SPAG16: variants seen among roughly 807,000 people sequenced by gnomAD.
SPAG16 encodes the protein sperm associated antigen 16, also known as sperm-associated antigen 16 protein.
In SPAG16, 86 loss-of-function variants were observed where a neutral mutation model predicts 80.4. That is an observed-to-expected ratio of 1.07 (90% CI 0.90 to 1.28). The LOEUF is 1.28. SPAG16 is among the 50% of genes most tolerant of loss of function. The pLI is 0.00. For synonymous variants in SPAG16, 294 were observed against 265.9 expected, an observed-to-expected ratio of 1.11 and a Z score of -1.03; for missense variants, 870 against 765.3, an observed-to-expected ratio of 1.14 and a Z score of -1.61.
intron 10 of SPAG16, among the ~76,000 whole-genome samples, chr2:213,640,356 C>T (rs530247132): frequency 7.9e-5 from 12 of 152,126 alleles, no homozygotes; most frequent in African/African-American, 2.9e-4. Context: ...TTTCTGGTTC[C>T]TTCTCATTTG....
At position 213,562,879 on chromosome 2, in the gene SPAG16, G is replaced by A. The variant is rs528512794; in HGVS notation, c.1070+72789G>A. Among the ~76,000 whole-genome samples the A allele has an allele frequency of 6.6e-5, 10 of 152,264 alleles. 1 individual carries two copies. In the South Asian group the frequency reaches 1.5e-3, roughly 22 times the overall value. ...TTTCTCTGTCCTCACGTGGTGGAAG[G>A]GGCTAGCTAGCTCTCTGAAGTCTCT... On this transcript the variant is annotated intron_variant, in intron 10 of 15. Transcript: ENST00000331683.
rs114012695 is a variant in SPAG16, at chr2:213,413,333, T to C, written c.942+38214T>C. Among the ~76,000 whole-genome samples, 323 of 152,260 alleles carry C rather than the reference T, an allele frequency of 2.1e-3. 3 individuals carry two copies. Among genetic ancestry groups the C allele is most frequent in the Non-Finnish European group, 2.1e-3 (143 of 67,966 alleles). On this transcript the variant is annotated intron_variant, in intron 9 of 15. Coordinates refer to ENST00000331683, the MANE Select transcript of SPAG16 (RefSeq NM_024532.5). ...TTTTTGAAGTATCAGGTTGCTGAAA[T>C]ATTAGTCTGAGGATAACAAAATCCA...
intron 14 of SPAG16, among the ~76,000 whole-genome samples, chr2:214,133,111 A>AAT (rs1559830690): frequency 4.5e-4 from 66 of 146,802 alleles, no homozygotes; most frequent in Admixed American, 1.3e-3. Context: ...TAAAATAAAA[A>AAT]AAATAAATAA....
At chr2:213,288,463 C>T (rs2062140753) in intron 1 of SPAG16, among the ~76,000 whole-genome samples, 1 of 146,182 alleles carries the variant, frequency 6.8e-6, no homozygotes, top group Non-Finnish European at 1.5e-5. Flanking sequence ...TGCCACCACA[C>T]CTGGCTAATT....
chr2:214,019,014 G>A (rs1015008378), intron 13 of SPAG16, among the ~76,000 whole-genome samples: 2 of 152,138 alleles, frequency 1.3e-5, no homozygotes, highest in East Asian at 1.9e-4. Flanking sequence ...ATAACTTGCA[G>A]TTTGGAAACT....
At chr2:213,418,783 A>G (rs921073825) in intron 9 of SPAG16, among the ~76,000 whole-genome samples, 2 of 152,158 alleles carry the variant, frequency 1.3e-5, no homozygotes, top group Non-Finnish European at 2.9e-5. Context: ...TTGAATCCCT[A>G]CATAGATTAC....
chr2:213,555,961 T>G (rs1005326768), intron 10 of SPAG16, among the ~76,000 whole-genome samples: 15 of 152,100 alleles, frequency 9.9e-5, no homozygotes, highest in Admixed American at 2.6e-4. Context: ...GGGGGTGGAA[T>G]GAAAGCATAG....
chr2:214,223,390 G>A (rs971616666), intron 15 of SPAG16, among the ~76,000 whole-genome samples: 6 of 152,014 alleles, frequency 3.9e-5, no homozygotes, highest in South Asian at 2.1e-4. Flanking sequence ...GGTTCACTTC[G>A]AGAGTTGTTT....
intron 13 of SPAG16, among the ~76,000 whole-genome samples, chr2:214,103,001 C>T (rs1014016312): frequency 1.1e-4 from 17 of 152,098 alleles, no homozygotes; most frequent in African/African-American, 3.9e-4. Flanking sequence ...TTCCCGCATG[C>T]GCAGTGTTTT....
chr2:214,219,938 A>G (rs930605243), intron 15 of SPAG16, among the ~76,000 whole-genome samples: 1 of 152,142 alleles, frequency 6.6e-6, no homozygotes, highest in Non-Finnish European at 1.5e-5. Context: ...ATGAAAAAAG[A>G]TAATTTAGCA....
chr2:214,094,757 T>G (rs1011831656), intron 13 of SPAG16, among the ~76,000 whole-genome samples: 1 of 152,122 alleles, frequency 6.6e-6, no homozygotes, highest in African/African-American at 2.4e-5. Context: ...CAGTTGTTAT[T>G]CTGTGCCTGC....
intron 15 of SPAG16, chr2:214,238,117 C>A (rs1052848330): frequency 1.2e-5 from 5 of 405,520 alleles, no homozygotes; most frequent in Non-Finnish European, 2.4e-5. Context: ...ATTAATCATA[C>A]AATTTGCTTT....
chr2:213,730,991 A>AT (rs1232464215), intron 10 of SPAG16, among the ~76,000 whole-genome samples: 2 of 151,634 alleles, frequency 1.3e-5, no homozygotes, highest in African/African-American at 4.8e-5. Context: ...TTTCTATTAC[A>AT]TTTTTTTATT....
chr2:214,363,005 A>T (rs1391952069), intron 15 of SPAG16, among the ~76,000 whole-genome samples: 2 of 151,868 alleles, frequency 1.3e-5, no homozygotes, highest in African/African-American at 4.8e-5. Context: ...CTTTAATACC[A>T]GGACTCTTAA....
At chr2:213,512,268 T>G (rs2075258814) in intron 10 of SPAG16, among the ~76,000 whole-genome samples, 1 of 152,160 alleles carries the variant, frequency 6.6e-6, no homozygotes, top group South Asian at 2.1e-4. Context: ...ATACATTTAC[T>G]GATTTTTCTG....
At chr2:213,302,722 T>G (rs1046907098) in intron 3 of SPAG16, 24 of 152,004 alleles carry the variant, frequency 1.6e-4, no homozygotes, top group African/African-American at 5.3e-4. Flanking sequence ...CATTTTATTG[T>G]ACAGTATAAA....
At chr2:213,513,196 G>T (rs1426392896) in intron 10 of SPAG16, among the ~76,000 whole-genome samples, 1 of 152,096 alleles carries the variant, frequency 6.6e-6, no homozygotes, top group Non-Finnish European at 1.5e-5. Context: ...GTTTTGTAAA[G>T]AACTTAGCAT....
intron 10 of SPAG16, among the ~76,000 whole-genome samples, chr2:213,792,264 T>C (rs1425612627): frequency 6.6e-6 from 1 of 152,216 alleles, no homozygotes; most frequent in Non-Finnish European, 1.5e-5. Context: ...GCACTCACTG[T>C]ACTGACTGTG....
At chr2:214,044,457 A>G (rs1032787490) in intron 13 of SPAG16, among the ~76,000 whole-genome samples, 3 of 152,186 alleles carry the variant, frequency 2.0e-5, no homozygotes, top group African/African-American at 7.2e-5. Context: ...GAAATGAAAC[A>G]TTATTTGGGG....
Sources: allele counts gnomAD v4.1 joint callset (sites outside exome capture counted in the v4.1 genomes callset), GRCh38; gene constraint gnomAD v4.1.1; transcripts MANE v1.5; gene names NCBI Gene and HGNC (gene_info 2026-07-23, HGNC 2026-07-21).